Variants in ADGRD1 observed in about 807,000 individuals in gnomAD.
ADGRD1 encodes the protein adhesion G protein-coupled receptor D1, also known as G-protein coupled receptor 133.
A neutral mutation model predicts 113.4 loss-of-function variants in ADGRD1; 77 were observed. That is an observed-to-expected ratio of 0.68 (90% confidence interval 0.57 to 0.82). ADGRD1 has a LOEUF of 0.82. Ranked by LOEUF, ADGRD1 falls within the 40% of genes least tolerant of loss-of-function variation. The pLI, the probability that ADGRD1 is intolerant of heterozygous loss-of-function variation, is 0.00. For synonymous variants in ADGRD1, 474 were observed against 475.0 expected, an observed-to-expected ratio of 1.00 and a Z score of 0.03; for missense variants, 1,036 against 1,139.1, an observed-to-expected ratio of 0.91 and a Z score of 1.30.
chr12:131,111,144 G>A (rs1413231801), intron 18 of ADGRD1, among the ~76,000 whole-genome samples: 1 of 151,922 alleles, frequency 6.6e-6, no homozygotes, highest in East Asian at 1.9e-4. Flanking sequence ...CCAGGCTGGA[G>A]TGCAGTGGCA....
Position 131,052,547 on chromosome 12 carries a change from C to T in ADGRD1, c.1474-24254C>T, listed in dbSNP as rs534269960. Among the ~76,000 whole-genome samples, 26 of 152,294 alleles carry T rather than the reference C, an allele frequency of 1.7e-4. No homozygotes were observed. In the East Asian group the frequency reaches 4.0e-3, roughly 24 times the overall value. On this transcript the variant is annotated intron_variant, in intron 13 of 24. Transcript: ENST00000261654. ...AGGTCTGCAACCAGGCATCTGCCTCCGCCAGGGCTGGCACGGTCTGCTTTA... is the reference window on the plus strand; with the variant it reads ...AGGTCTGCAACCAGGCATCTGCCTCTGCCAGGGCTGGCACGGTCTGCTTTA...
chr12:131,007,538 C>T (rs1877287837), intron 12 of ADGRD1, among the ~76,000 whole-genome samples: 1 of 152,226 alleles, frequency 6.6e-6, no homozygotes, highest in Non-Finnish European at 1.5e-5. Context: ...AGGGCCTCAG[C>T]CTTCACTCTC....
At chr12:131,031,887 T>C (rs1880800893) in intron 13 of ADGRD1, among the ~76,000 whole-genome samples, 1 of 152,170 alleles carries the variant, frequency 6.6e-6, no homozygotes, top group Admixed American at 6.5e-5. Context: ...ACATGCCAGG[T>C]GCCTACCTGC....
At chr12:131,098,133 C>T (rs557844210) in intron 15 of ADGRD1, among the ~76,000 whole-genome samples, 5 of 146,826 alleles carry the variant, frequency 3.4e-5, no homozygotes, top group African/African-American at 1.0e-4. Context: ...ACTGTCCTCC[C>T]GCGGTGGCCG....
chr12:130,968,891 C>T (rs1420314884), intron 3 of ADGRD1: 1 of 757,800 alleles, frequency 1.3e-6, no homozygotes, highest in East Asian at 2.7e-5. Flanking sequence ...CTCCTGGTGC[C>T]TGCTGCAGGT....
chr12:130,959,763 T>C (rs964766297), intron 2 of ADGRD1, among the ~76,000 whole-genome samples: 3 of 152,212 alleles, frequency 2.0e-5, no homozygotes, highest in African/African-American at 4.8e-5. Context: ...ATCTTTACCA[T>C]GTAGAGAGGT....
chr12:131,069,144 C>T (rs958042612), intron 13 of ADGRD1: 1 of 152,252 alleles, frequency 6.6e-6, no homozygotes, highest in African/African-American at 2.4e-5. Flanking sequence ...GCCCAGCAGG[C>T]CCATCCTCCA....
At chr12:131,021,397 C>T (rs1195903) in intron 13 of ADGRD1, among the ~76,000 whole-genome samples, 91,782 of 151,918 alleles carry the variant, frequency 0.6, 28,273 homozygotes, top group East Asian at 0.78. Context: ...GGCGGCCGGC[C>T]GGTGCTTTGT....
In ADGRD1 at chr12:131,084,453, C is replaced by G; in HGVS notation, c.1548-87C>G. 1 of 1,446,322 alleles carries G rather than the reference C, an allele frequency of 6.9e-7. No individual in the cohort carries two copies. The highest frequency in any genetic ancestry group is 9.7e-7 in the Non-Finnish European group (1 of 1,035,934). The allele number at this position is 1,446,322 out of a possible 1,614,324, so 89.6% of individuals were successfully genotyped here. ...GGGCGCCGCCATGAGTTCACGGGGCCATGTGTTATGGGGGGTGCTGCTCTC... is the reference window on the plus strand; with the variant it reads ...GGGCGCCGCCATGAGTTCACGGGGCGATGTGTTATGGGGGGTGCTGCTCTC... On this transcript the variant is annotated intron_variant, in intron 14 of 24. Transcript: ENST00000261654. This position sits in a 1 kb window ranked among gnomAD's most constrained non-coding sequence, Gnocchi z 4.5.
chr12:130,984,735 A>G lies in ADGRD1; in HGVS notation c.491-2360A>G, dbSNP rs1873420504. The stretch of plus-strand genomic sequence containing the variant: ...ATCTTTCGCCCATTTTAAAAATTGG[A>G]TTGTTTTTCTTTCTTTTTTCCTTCC... On this transcript the variant is annotated intron_variant, in intron 5 of 24. Coordinates refer to ENST00000261654, the MANE Select transcript of ADGRD1 (RefSeq NM_198827.5). The surrounding 1 kb of genome is among the most constrained non-coding windows in gnomAD (Gnocchi z 4.1). Among the ~76,000 whole-genome samples the G allele has an allele frequency of 6.6e-6, 1 of 151,084 alleles. No individual in the cohort carries two copies. The highest frequency in any genetic ancestry group is 2.4e-5 in the African/African-American group (1 of 41,052).
At chr12:131,071,485 G>A (rs574096293) in intron 13 of ADGRD1, among the ~76,000 whole-genome samples, 2 of 152,268 alleles carry the variant, frequency 1.3e-5, no homozygotes, top group Admixed American at 1.3e-4. Flanking sequence ...TGAGTGGGGT[G>A]GAGTTAAGGG....
At chr12:131,004,430 G>GGGCCGCCTGCGGTGCTCCCCCT in intron 11 of ADGRD1, 134 bp downstream of exon 11, 1 of 656,624 alleles carries the variant, frequency 1.5e-6, no homozygotes, top group Admixed American at 2.4e-5. Context: ...GTGCTCCCCC[G>GGGCCGCCTGCGGTGCTCCCCCT]GACTGCCTGT....
intron 8 of ADGRD1, among the ~76,000 whole-genome samples, chr12:131,000,065 G>A (rs922436909): frequency 2.6e-5 from 4 of 152,138 alleles, no homozygotes; most frequent in African/African-American, 4.8e-5. Flanking sequence ...TCCACTCCAC[G>A]GGCTTTCACT....
intron 11 of ADGRD1, 56 bp from the exon 12 acceptor site, chr12:131,005,916 T>C: frequency 2.1e-6 from 3 of 1,410,718 alleles, no homozygotes; most frequent in South Asian, 1.1e-5. Flanking sequence ...GCTTTGTGTT[T>C]TTCCTGCCTG....
intron 6 of ADGRD1, chr12:130,988,511 C>T (rs1485374382): frequency 2.6e-5 from 4 of 152,126 alleles, no homozygotes; most frequent in Non-Finnish European, 4.4e-5. Flanking sequence ...TTGTTAGGAC[C>T]CTATTGATTG....
chr12:131,099,342 C>T (rs749136946), intron 15 of ADGRD1, among the ~76,000 whole-genome samples: 7 of 152,152 alleles, frequency 4.6e-5, no homozygotes, highest in Non-Finnish European at 7.4e-5. Flanking sequence ...GTGTGCAGGT[C>T]GTGGTGGAGT....
intron 13 of ADGRD1, chr12:131,024,350 A>C (rs567434391): frequency 6.6e-6 from 1 of 152,344 alleles, no homozygotes; most frequent in Non-Finnish European, 1.5e-5. Context: ...GGGGAGGTCG[A>C]GCGTGGCTTC....
At position 131,136,114 on chromosome 12, in the gene ADGRD1, G is replaced by A. The variant is rs778308197; in HGVS notation, c.2345G>A (p.Gly782Asp). The A allele has an allele frequency of 3.1e-6, 5 of 1,614,202 alleles. No individual in the cohort carries two copies. The South Asian group carries it at 5.5e-5, about 18-fold the overall frequency. The change falls in exon 22 of 25, where the codon GGT becomes GAT. Residue 782 changes from glycine (G) to aspartate (D), a missense_variant. Physicochemically the swap from Gly to Asp is moderately conservative, Grantham distance 94 (BLOSUM62 -1). Coordinates refer to ENST00000261654, the MANE Select transcript of ADGRD1 (RefSeq NM_198827.5). ...GTCTTTGGCGTGCTTGCTGTCAACG[G>A]TTGTGCTGTGGTTTTCCAGTACATG... ...SWVFGVLAVN[G>D]CAVVFQYMFA...
chr12:130,985,711 C>T (rs1873575027), intron 5 of ADGRD1, among the ~76,000 whole-genome samples: 1 of 152,052 alleles, frequency 6.6e-6, no homozygotes, highest in African/African-American at 2.4e-5. Flanking sequence ...GCCACCACGC[C>T]CAGCTAATTT....
Sources: gnomAD v4.1 joint callset for allele counts (sites outside exome capture counted in the v4.1 genomes callset) on GRCh38, gnomAD v4.1.1 for gene constraint, Gnocchi (gnomAD v3.1) non-coding constraint, MANE v1.5 for transcripts, NCBI Gene and HGNC (gene_info 2026-07-23, HGNC 2026-07-21) for gene names.